Variants in CFAP77 observed in about 807,000 individuals in gnomAD.
CFAP77 encodes cilia and flagella associated protein 77.
In CFAP77, 25 loss-of-function variants were observed where a neutral mutation model predicts 31.1. The observed-to-expected ratio is 0.80, with a 90% CI of 0.59 to 1.12. CFAP77 has a LOEUF of 1.12. Among genes scored for constraint, CFAP77 ranks in the 50% most tolerant of loss-of-function variants. The probability of loss-of-function intolerance (pLI) is 0.00; values close to 1 mark genes in which losing one functional copy is unlikely to be tolerated. For synonymous variants in CFAP77, 151 were observed against 159.9 expected, an observed-to-expected ratio of 0.94 and a Z score of 0.42; for missense variants, 377 against 397.3, an observed-to-expected ratio of 0.95 and a Z score of 0.44.
chr9:132,499,042 G>A lies in CFAP77; in HGVS notation c.295+248G>A, dbSNP rs932238729. On this transcript the variant is annotated intron_variant, in intron 2 of 5. Transcript: ENST00000393216. The surrounding 1 kb of genome is among the most constrained non-coding windows in gnomAD (Gnocchi z 5.4). ...TATCCCCGCACCGCCCCCCTTCCCC[G>A]CCGCCGGCAGGGACTGTGTGCACTA... Among the ~76,000 whole-genome samples the A allele has an allele frequency of 5.9e-5, 9 of 151,994 alleles. No homozygotes were observed. Among genetic ancestry groups the A allele is most frequent in the East Asian group, 1.9e-4 (1 of 5,164 alleles).
At chr9:132,447,764 G>C (rs1201577825) in intron 1 of CFAP77, among the ~76,000 whole-genome samples, 1 of 152,186 alleles carries the variant, frequency 6.6e-6, no homozygotes, top group Non-Finnish European at 1.5e-5. Context: ...CTAAAAGGTA[G>C]AACATACCAG....
intron 1 of CFAP77, among the ~76,000 whole-genome samples, chr9:132,466,027 G>A (rs1306723298): frequency 6.6e-6 from 1 of 152,210 alleles, no homozygotes; most frequent in African/African-American, 2.4e-5. Flanking sequence ...CATGGCGGGG[G>A]AGCTTAAGCT....
intron 5 of CFAP77, among the ~76,000 whole-genome samples, chr9:132,547,036 T>C (rs765547925): frequency 6.6e-6 from 1 of 152,192 alleles, no homozygotes; most frequent in Non-Finnish European, 1.5e-5. Context: ...GGTGCCCATT[T>C]TGGGGATGGG....
At chr9:132,515,392 C>A (rs763709635) in intron 3 of CFAP77, among the ~76,000 whole-genome samples, 8 of 152,122 alleles carry the variant, frequency 5.3e-5, no homozygotes, top group Non-Finnish European at 1.0e-4. Context: ...ACTCTGGCAC[C>A]CCTGGGCACA....
chr9:132,457,058 T>C (rs1359447083), intron 1 of CFAP77, among the ~76,000 whole-genome samples: 1 of 152,158 alleles, frequency 6.6e-6, no homozygotes, highest in African/African-American at 2.4e-5. Context: ...AAAAGACCCA[T>C]GACTGGCCCC....
chr9:132,565,996 C>T lies in CFAP77; in HGVS notation c.733-6392C>T, dbSNP rs1032187625. Among the ~76,000 whole-genome samples, 1 of 152,236 alleles carries T rather than the reference C, an allele frequency of 6.6e-6. No homozygotes were observed. The highest frequency in any genetic ancestry group is 2.4e-5 in the African/African-American group (1 of 41,462). ...TCTCCTGCCAAAGCCATTACAATTT[C>T]TTAGCTCCAGGCAGAGACAGACCGC... On this transcript the variant is annotated intron_variant, in intron 5 of 5. Coordinates refer to ENST00000393216, the MANE Select transcript of CFAP77 (RefSeq NM_001282957.2). This position sits in a 1 kb window ranked among gnomAD's most constrained non-coding sequence, Gnocchi z 4.1.
In CFAP77 at chr9:132,499,526, T is replaced by C. The variant is rs1394383843; in HGVS notation, c.450T>C (p.Ser150=). Residue 150 remains serine (S), a synonymous_variant, in exon 3 of 6, where the codon AGT becomes AGC. Transcript: ENST00000393216. This position sits in a 1 kb window ranked among gnomAD's most constrained non-coding sequence, Gnocchi z 5.4. ...GTCAGCTCAATGACATCCGCATCAG[T>C]GACCAGGATGACCGGCGCATGAAGA... ...LYRQLNDIRI[S]DQDDRRMKKE... The C allele has an allele frequency of 6.2e-7, 1 of 1,614,046 alleles. No individual in the cohort carries two copies. Among genetic ancestry groups the C allele is most frequent in the African/African-American group, 1.3e-5 (1 of 74,916 alleles).
Position 132,539,007 on chromosome 9 carries a change from G to C in CFAP77, c.630+1301G>C, listed in dbSNP as rs1852595220. Among the ~76,000 whole-genome samples the C allele has an allele frequency of 6.6e-6, 1 of 151,084 alleles. No individual in the cohort carries two copies. ...GAGGCTGAGGCAAGAGAGTTGCTTG[G>C]ACCCAGGAGGTGGAGGTTGCAGTGA... On this transcript the variant is annotated intron_variant, in intron 4 of 5. Coordinates refer to ENST00000393216, the MANE Select transcript of CFAP77 (RefSeq NM_001282957.2). This position sits in a 1 kb window ranked among gnomAD's most constrained non-coding sequence, Gnocchi z 4.3.
chr9:132,449,858 T>C (rs1354090909), intron 1 of CFAP77, among the ~76,000 whole-genome samples: 1 of 152,206 alleles, frequency 6.6e-6, no homozygotes, highest in Non-Finnish European at 1.5e-5. Flanking sequence ...TCAGTCTTTT[T>C]ATATTTAATG....
At chr9:132,486,090 A>ATATTTTTTT (rs1281539306) in intron 1 of CFAP77, among the ~76,000 whole-genome samples, 1 of 15,356 alleles carries the variant, frequency 6.5e-5, no homozygotes, top group Admixed American at 1.2e-3. Context: ...ATATATATAT[A>ATATTTTTTT]TTTTTTTTTT....
rs141063637 is a variant in CFAP77, at chr9:132,480,438, G to A, written c.196-18257G>A. Among the ~76,000 whole-genome samples the A allele has an allele frequency of 5.6e-3, 860 of 152,332 alleles. 23 individuals carry two copies. The highest frequency in any genetic ancestry group is 0.048 in the Admixed American group (734 of 15,308). ...GGCCTGGGAGGAGTAAGCTTCCATA[G>A]TAGTGCCTGTGTGCCCCACCCCTTG... is the stretch of plus-strand genomic sequence containing the variant. On this transcript the variant is annotated intron_variant, in intron 1 of 5. Coordinates refer to ENST00000393216, the MANE Select transcript of CFAP77 (RefSeq NM_001282957.2). The surrounding 1 kb of genome is among the most constrained non-coding windows in gnomAD (Gnocchi z 5.8).
chr9:132,507,369 A>T (rs1851948734), intron 3 of CFAP77, among the ~76,000 whole-genome samples: 1 of 152,186 alleles, frequency 6.6e-6, no homozygotes, highest in South Asian at 2.1e-4. Flanking sequence ...AGCACTAATT[A>T]GCCTGGTCTA....
intron 4 of CFAP77, among the ~76,000 whole-genome samples, chr9:132,542,608 T>C (rs1852663840): frequency 6.6e-6 from 1 of 152,240 alleles, no homozygotes; most frequent in Non-Finnish European, 1.5e-5. Context: ...CCACTGGGGC[T>C]GCGTGAGCCA....
At position 132,501,330 on chromosome 9, in the gene CFAP77, C is replaced by T. The variant is rs1440931222; in HGVS notation, c.524+1730C>T. Among the ~76,000 whole-genome samples, 1 of 152,048 alleles carries T rather than the reference C, an allele frequency of 6.6e-6. No homozygotes were observed. The highest frequency in any genetic ancestry group is 1.5e-5 in the Non-Finnish European group (1 of 68,042). On this transcript the variant is annotated intron_variant, in intron 3 of 5. Coordinates refer to ENST00000393216, the MANE Select transcript of CFAP77 (RefSeq NM_001282957.2). This position sits in a 1 kb window ranked among gnomAD's most constrained non-coding sequence, Gnocchi z 4.6. ...CTGTTTTTCTCTAAACAGCCCAGTGCAAAGGGCGTTGGTGCTACAGACACC... is the reference window on the plus strand; with the variant it reads ...CTGTTTTTCTCTAAACAGCCCAGTGTAAAGGGCGTTGGTGCTACAGACACC...
chr9:132,549,291 G>A (rs1029958421), intron 5 of CFAP77, among the ~76,000 whole-genome samples: 3 of 152,116 alleles, frequency 2.0e-5, no homozygotes, highest in Admixed American at 6.5e-5. Context: ...CCAGATCTAC[G>A]GCCCCTCCCA....
At chr9:132,571,410 C>G (rs1471881870) in intron 5 of CFAP77, among the ~76,000 whole-genome samples, 2 of 152,168 alleles carry the variant, frequency 1.3e-5, no homozygotes, top group Non-Finnish European at 2.9e-5. Flanking sequence ...TTTGTTCTCA[C>G]TGCGCACTCC....
intron 3 of CFAP77, among the ~76,000 whole-genome samples, chr9:132,503,894 C>T (rs1564231260): frequency 6.6e-6 from 1 of 152,082 alleles, no homozygotes; most frequent in African/African-American, 2.4e-5. Context: ...ACTAAAAATA[C>T]AAAAATGAGT....
intron 1 of CFAP77, among the ~76,000 whole-genome samples, chr9:132,454,553 G>A (rs955872712): frequency 1.3e-5 from 2 of 152,170 alleles, no homozygotes; most frequent in Admixed American, 1.3e-4. Flanking sequence ...TCATTGGTTG[G>A]TGTGTTCTGG....
chr9:132,537,694 G>A lies in CFAP77; in HGVS notation c.618G>A (p.Glu206=). ...QKATQKAIKL[E]KKQKVVLGKL... is the part of the protein sequence containing the mutation. ...CCACCCAGAAAGCCATCAAACTGGA[G>A]AAGAAGCAGAAGGTAAATGCAGCCC... The change falls in exon 4 of 6, where the codon GAG becomes GAA. Residue 206 remains glutamate, a synonymous_variant. Coordinates refer to ENST00000393216, the MANE Select transcript of CFAP77 (RefSeq NM_001282957.2). 1.2e-6 allele frequency: 2 copies of A among 1,613,102 alleles called. No individual in the cohort carries two copies. The highest frequency in any genetic ancestry group is 1.1e-5 in the South Asian group (1 of 90,866).
Sources: allele counts gnomAD v4.1 joint callset (sites outside exome capture counted in the v4.1 genomes callset), GRCh38; gene constraint gnomAD v4.1.1; non-coding constraint Gnocchi (gnomAD v3.1); transcripts MANE v1.5; gene names NCBI Gene and HGNC (gene_info 2026-07-23, HGNC 2026-07-21).